LDAH: variants seen among roughly 807,000 people sequenced by gnomAD.
The protein encoded by LDAH is lipid droplet associated hydrolase.
LDAH carries 26 observed loss-of-function variants against 29.6 expected under a neutral mutation model. The ratio of observed to expected loss-of-function variants is 0.88; its 90% CI spans 0.64 to 1.22. The LOEUF (loss-of-function observed/expected upper bound fraction) is 1.22. Ranked by LOEUF, LDAH falls within the 50% of genes most tolerant of loss-of-function variation. The pLI is 0.00. For missense variants in LDAH, 344 were observed against 387.3 expected (o/e 0.89, Z 0.94); for synonymous variants, 117 against 133.0 (o/e 0.88, Z 0.83).
intron 5 of LDAH, among the ~76,000 whole-genome samples, chr2:20,727,790 G>GA (rs1386977078): frequency 2.0e-5 from 3 of 152,006 alleles, no homozygotes; most frequent in Non-Finnish European, 4.4e-5. Context: ...TAAAACTGAA[G>GA]AAAAAATCCA....
intron 3 of LDAH, among the ~76,000 whole-genome samples, chr2:20,778,077 T>C (rs2125029637): frequency 6.6e-6 from 1 of 152,228 alleles, no homozygotes; most frequent in Non-Finnish European, 1.5e-5. Context: ...TTGTTACCAA[T>C]AAATTGTGGG....
chr2:20,789,354 A>C, intron 3 of LDAH: 5 of 1,514,668 alleles, frequency 3.3e-6, no homozygotes, highest in Non-Finnish European at 4.4e-6. Flanking sequence ...TGAATCGGGA[A>C]GTAGGTTTTC....
chr2:20,809,270 G>A (rs551964847), intron 1 of LDAH, among the ~76,000 whole-genome samples: 1 of 151,872 alleles, frequency 6.6e-6, no homozygotes, highest in South Asian at 2.1e-4. Flanking sequence ...TTGGTGGCGC[G>A]TGCCTGTAAT....
intron 6 of LDAH, among the ~76,000 whole-genome samples, chr2:20,691,418 CCACCCACCT>C (rs1470331427): frequency 6.6e-6 from 1 of 152,126 alleles, no homozygotes; most frequent in Non-Finnish European, 1.5e-5. Context: ...CTCAAGTGAT[CCACCCACCT>C]CACCCTCACA....
At chr2:20,722,963 T>C (rs545259446) in intron 5 of LDAH, among the ~76,000 whole-genome samples, 1 of 152,276 alleles carries the variant, frequency 6.6e-6, no homozygotes, top group Admixed American at 6.5e-5. Flanking sequence ...GCTAAACATA[T>C]GCATACCATA....
intron 5 of LDAH, among the ~76,000 whole-genome samples, chr2:20,708,356 C>G (rs138744267): frequency 6.6e-5 from 10 of 152,264 alleles, no homozygotes; most frequent in African/African-American, 2.4e-4. Flanking sequence ...AGCCTAGAAG[C>G]AAGACCAGAA....
At chr2:20,753,532 G>A (rs1016115065) in intron 4 of LDAH, among the ~76,000 whole-genome samples, 13 of 152,168 alleles carry the variant, frequency 8.5e-5, no homozygotes, top group Admixed American at 7.9e-4. Context: ...TTACTTCTTC[G>A]TTTGTTGGTG....
At chr2:20,749,640 G>A (rs1228722564) in intron 4 of LDAH, among the ~76,000 whole-genome samples, 1 of 152,172 alleles carries the variant, frequency 6.6e-6, no homozygotes. Context: ...AAAGAGTACA[G>A]CTTTCTTGTT....
At chr2:20,789,177 C>T (rs1052243982) in intron 3 of LDAH, 2 of 1,550,352 alleles carry the variant, frequency 1.3e-6, no homozygotes, top group African/African-American at 1.4e-5. Flanking sequence ...CTTATATGGC[C>T]CCCAAATCCA....
At chr2:20,745,562 A>G (rs1199915667) in intron 4 of LDAH, among the ~76,000 whole-genome samples, 1 of 152,236 alleles carries the variant, frequency 6.6e-6, no homozygotes, top group Non-Finnish European at 1.5e-5. Context: ...AAGGTACTGC[A>G]TAAGTTACTT....
intron 5 of LDAH, among the ~76,000 whole-genome samples, chr2:20,722,857 T>C (rs1475774980): frequency 3.3e-5 from 5 of 152,172 alleles, no homozygotes; most frequent in Admixed American, 1.3e-4. Flanking sequence ...ATACCAAGTG[T>C]TGGTGAGCAA....
At chr2:20,775,993 C>A (rs113822638) in intron 3 of LDAH, among the ~76,000 whole-genome samples, 4 of 152,236 alleles carry the variant, frequency 2.6e-5, no homozygotes, top group South Asian at 2.1e-4. Flanking sequence ...TAATATTCTA[C>A]GAGTGTAGAA....
chr2:20,798,703 G>A (rs1218764284), intron 2 of LDAH, among the ~76,000 whole-genome samples: 1 of 151,780 alleles, frequency 6.6e-6, no homozygotes, highest in Admixed American at 6.6e-5. Flanking sequence ...GTATATGATT[G>A]TGCATGGAGA....
chr2:20,710,622 A>C (rs983185079), intron 5 of LDAH, among the ~76,000 whole-genome samples: 59 of 123,896 alleles, frequency 4.8e-4, no homozygotes, highest in Non-Finnish European at 7.1e-4. Flanking sequence ...ATATATATAG[A>C]TATATATATA....
chr2:20,691,515 T>C (rs1357897698), intron 6 of LDAH, among the ~76,000 whole-genome samples: 1 of 152,194 alleles, frequency 6.6e-6, no homozygotes, highest in East Asian at 1.9e-4. Flanking sequence ...TCACAGTCTA[T>C]GTAGCTCTTC....
chr2:20,791,934 T>A (rs1196527765), intron 2 of LDAH, among the ~76,000 whole-genome samples: 1 of 152,178 alleles, frequency 6.6e-6, no homozygotes, highest in Admixed American at 6.6e-5. Context: ...ACCAAATAAT[T>A]CAGTTTATTT....
intron 5 of LDAH, among the ~76,000 whole-genome samples, chr2:20,717,783 GTGTGTGTGTC>G (rs1203854608): frequency 1.3e-5 from 2 of 152,150 alleles, no homozygotes; most frequent in African/African-American, 4.8e-5. Context: ...CTATCAGTGT[GTGTGTGTGTC>G]TGTGTGTGTT....
intron 4 of LDAH, among the ~76,000 whole-genome samples, chr2:20,755,080 A>G (rs753961831): frequency 6.6e-6 from 1 of 151,978 alleles, no homozygotes; most frequent in Non-Finnish European, 1.5e-5. Flanking sequence ...GCAATAATAT[A>G]TTCAATTTAT....
chr2:20,778,734 T>G (rs1224320300), intron 3 of LDAH, among the ~76,000 whole-genome samples: 4 of 152,166 alleles, frequency 2.6e-5, no homozygotes, highest in African/African-American at 9.7e-5. Flanking sequence ...CACAGTTTAT[T>G]GGATCACAAT....
Sources: allele counts gnomAD v4.1 joint callset (sites outside exome capture counted in the v4.1 genomes callset), GRCh38; gene constraint gnomAD v4.1.1; transcripts MANE v1.5; gene names NCBI Gene and HGNC (gene_info 2026-07-23, HGNC 2026-07-21).